Variants in STARD9 observed in about 807,000 individuals in gnomAD.
STARD9 encodes StAR related lipid transfer domain containing 9.
STARD9 carries 346 observed loss-of-function variants against 399.8 expected under a neutral mutation model. That is an observed-to-expected ratio of 0.87 (90% confidence interval 0.79 to 0.95). The LOEUF is 0.95. STARD9 is among the 40% of genes least tolerant of loss of function. The pLI is 0.00. For synonymous variants in STARD9, 2,203 were observed against 2,143.5 expected, an observed-to-expected ratio of 1.03 and a Z score of -0.77; for missense variants, 5,832 against 5,667.5, an observed-to-expected ratio of 1.03 and a Z score of -0.93.
chr15:42,608,367 C>A (rs1473947284), intron 3 of STARD9, among the ~76,000 whole-genome samples: 2 of 152,118 alleles, frequency 1.3e-5, no homozygotes, highest in African/African-American at 4.8e-5. Flanking sequence ...TTCAACCAGA[C>A]CCTGGATTGC....
At chr15:42,622,845 C>T (rs1214963100) in intron 3 of STARD9, among the ~76,000 whole-genome samples, 1 of 152,194 alleles carries the variant, frequency 6.6e-6, no homozygotes, top group Non-Finnish European at 1.5e-5. Flanking sequence ...TATGGTGATA[C>T]AGTCCTGGGG....
chr15:42,703,515 C>T (rs2061012155), intron 26 of STARD9, among the ~76,000 whole-genome samples: 1 of 150,554 alleles, frequency 6.6e-6, no homozygotes, highest in Non-Finnish European at 1.5e-5. Context: ...AGGCGCCAGC[C>T]ACCATGCCTG....
At chr15:42,675,322 A>T (rs2060288076) in intron 18 of STARD9, among the ~76,000 whole-genome samples, 1 of 152,172 alleles carries the variant, frequency 6.6e-6, no homozygotes, top group Admixed American at 6.5e-5. Flanking sequence ...GTAAACACTC[A>T]TTATCATTAT....
At chr15:42,671,988 C>T (rs2060212156) in intron 16 of STARD9, 1 of 152,218 alleles carries the variant, frequency 6.6e-6, no homozygotes, top group South Asian at 2.1e-4. Context: ...GAGGATTTTA[C>T]TCCCTTCCTT....
intron 3 of STARD9, among the ~76,000 whole-genome samples, chr15:42,626,648 G>A (rs1001616760): frequency 6.6e-6 from 1 of 151,176 alleles, no homozygotes; most frequent in African/African-American, 2.4e-5. Flanking sequence ...TTACAGGCAT[G>A]CGCCACCACG....
At position 42,684,388 on chromosome 15, in the gene STARD9, G is replaced by C; in HGVS notation, c.2810G>C (p.Gly937Ala). Reference protein sequence around the residue: ...NSVGIQEMEMGVKQPHQMVSQ... With the variant: ...NSVGIQEMEMAVKQPHQMVSQ... ...GTTGGCATCCAGGAAATGGAGATGGGGGTTAAGCAGCCCCATCAGATGGTG... is the reference window on the plus strand; with the variant it reads ...GTTGGCATCCAGGAAATGGAGATGGCGGTTAAGCAGCCCCATCAGATGGTG... The change falls in exon 23 of 33, where the codon GGG becomes GCG. Residue 937 changes from glycine (G) to alanine (A), a missense_variant. Physicochemically the swap from Gly to Ala is moderately conservative, Grantham distance 60. Transcript: ENST00000290607. The C allele has an allele frequency of 6.5e-7, 1 of 1,537,114 alleles. No homozygotes were observed. The highest frequency in any genetic ancestry group is 8.7e-7 in the Non-Finnish European group (1 of 1,146,892).
At chr15:42,713,555 G>A (rs1049359251) in intron 26 of STARD9, among the ~76,000 whole-genome samples, 3 of 152,166 alleles carry the variant, frequency 2.0e-5, no homozygotes, top group Admixed American at 2.0e-4. Flanking sequence ...TTATCAGGTT[G>A]AGGAAATTCC....
chr15:42,656,086 T>G (rs572494224), intron 9 of STARD9, among the ~76,000 whole-genome samples: 5 of 152,176 alleles, frequency 3.3e-5, no homozygotes, highest in African/African-American at 1.2e-4. Flanking sequence ...GCTGGGTCAG[T>G]GGCTCACGCC....
intron 3 of STARD9, among the ~76,000 whole-genome samples, chr15:42,632,019 T>G (rs934309449): frequency 6.6e-6 from 1 of 152,162 alleles, no homozygotes; most frequent in Non-Finnish European, 1.5e-5. Flanking sequence ...GAATGATCTT[T>G]CCAATGCTGA....
intron 3 of STARD9, among the ~76,000 whole-genome samples, chr15:42,624,487 A>G (rs2059157032): frequency 2.0e-5 from 3 of 151,722 alleles, no homozygotes; most frequent in Admixed American, 2.0e-4. Flanking sequence ...TTTCACCACC[A>G]AAATGTTAAG....
intron 3 of STARD9, among the ~76,000 whole-genome samples, chr15:42,598,188 C>T (rs2058554193): frequency 6.6e-6 from 1 of 151,404 alleles, no homozygotes; most frequent in Non-Finnish European, 1.5e-5. Flanking sequence ...CCTGCCACCA[C>T]GCCTGGCTAA....
chr15:42,684,449 C>T lies in STARD9; in HGVS notation c.2871C>T (p.Asn957=). The change falls in exon 23 of 33, where the codon AAC becomes AAT. Residue 957 remains asparagine (N), a synonymous_variant. Coordinates refer to ENST00000290607, the MANE Select transcript of STARD9 (RefSeq NM_020759.3). ...QGLASLRKSA[N]KLKPRHEPKI... is the part of the protein sequence containing the mutation. ...TAGCATCTCTGAGGAAATCAGCTAA[C>T]AAACTAAAGCCAAGGCATGAGCCAA... The T allele has an allele frequency of 1.3e-6, 2 of 1,537,228 alleles. No homozygotes were observed. Among genetic ancestry groups the T allele is most frequent in the African/African-American group, 1.4e-5 (1 of 73,174 alleles).
At chr15:42,674,381 T>C in intron 16 of STARD9, 59 bp from the exon 17 acceptor site, 1 of 1,344,248 alleles carries the variant, frequency 7.4e-7, no homozygotes, top group Non-Finnish European at 1.0e-6. Flanking sequence ...TGGACTCTCC[T>C]GTAGGGCAAG....
At chr15:42,608,651 G>A (rs540506511) in intron 3 of STARD9, among the ~76,000 whole-genome samples, 30 of 152,300 alleles carry the variant, frequency 2.0e-4, no homozygotes, top group Admixed American at 3.3e-4. Flanking sequence ...AAAACTTGAA[G>A]CATCTTTGAC....
Position 42,687,772 on chromosome 15 carries a change from A to T in STARD9, c.6194A>T (p.Glu2065Val). 1 of 1,537,398 alleles carries T rather than the reference A, an allele frequency of 6.5e-7. No homozygotes were observed. The highest frequency in any genetic ancestry group is 8.7e-7 in the Non-Finnish European group (1 of 1,146,882). ...CTGGAAAATGGCATCTTAGAAATTG[A>T]ATCTAAGCAGAATAAGCAGGTTCAT... Reference protein sequence around the residue: ...MQLENGILEIESKQNKQVHAS... With the variant: ...MQLENGILEIVSKQNKQVHAS... Residue 2065 changes from glutamate to valine, a missense_variant, in exon 23 of 33, where the codon GAA (glutamate) becomes GTA (valine). By Grantham distance (121) the Glu-to-Val change is moderately radical. Transcript: ENST00000290607.
rs1241604477 is a variant in STARD9, at chr15:42,689,735, C to G, written c.8157C>G (p.Ala2719=). ...TRTPSSADPL[A]PDSPRSSAPV... ...CACCTTCCTCAGCTGATCCTTTGGCCCCAGACAGTCCTCGTTCTTCAGCAC... is the reference window on the plus strand; with the variant it reads ...CACCTTCCTCAGCTGATCCTTTGGCGCCAGACAGTCCTCGTTCTTCAGCAC... The change falls in exon 23 of 33, where the codon GCC becomes GCG. Residue 2719 remains alanine, a synonymous_variant. Transcript: ENST00000290607. 1 of 1,537,746 alleles carries G rather than the reference C, an allele frequency of 6.5e-7. No homozygotes were observed. Among genetic ancestry groups the G allele is most frequent in the Non-Finnish European group, 8.7e-7 (1 of 1,147,026 alleles).
Position 42,606,405 on chromosome 15 carries a change from T to C in STARD9, c.234+20768T>C, listed in dbSNP as rs141596381. ...GAGTCATGAATATAGAACATGTGTT[T>C]TCAAGCCTCTCTATTGGCCCCTCTC... is the stretch of plus-strand genomic sequence containing the variant. On this transcript the variant is annotated intron_variant, in intron 3 of 32. Coordinates refer to ENST00000290607, the MANE Select transcript of STARD9 (RefSeq NM_020759.3). Among the ~76,000 whole-genome samples, 545 of 152,316 alleles carry C rather than the reference T, an allele frequency of 3.6e-3. 2 individuals are homozygous for C. Among genetic ancestry groups the C allele is most frequent in the African/African-American group, 0.012 (516 of 41,570 alleles).
intron 23 of STARD9, 85 bp downstream of exon 23, chr15:42,694,427 C>T (rs1204083704): frequency 7.2e-6 from 11 of 1,526,292 alleles, no homozygotes; most frequent in Admixed American, 2.0e-5. Context: ...CTTGCTGTTT[C>T]CTCTGCCCTG....
chr15:42,589,625 A>T (rs1268265079), intron 3 of STARD9, among the ~76,000 whole-genome samples: 138 of 144,870 alleles, frequency 9.5e-4, no homozygotes, highest in African/African-American at 2.2e-3. Context: ...TTTTTTTTTT[A>T]AATGGAGTTT....
Sources: allele counts gnomAD v4.1 joint callset (sites outside exome capture counted in the v4.1 genomes callset), GRCh38; gene constraint gnomAD v4.1.1; transcripts MANE v1.5; gene names NCBI Gene and HGNC (gene_info 2026-07-23, HGNC 2026-07-21).